The following XYLT1 variants were observed in gnomAD, a reference collection of about 807,000 sequenced individuals.
XYLT1 encodes beta-D-xylosyltransferase 1.
Under a neutral mutation model 91.3 loss-of-function variants are expected in XYLT1, and 36 were observed. That is an observed-to-expected ratio of 0.39 (90% CI 0.30 to 0.52). XYLT1 has a LOEUF of 0.52. Ranked by LOEUF, XYLT1 falls within the 20% of genes least tolerant of loss-of-function variation. XYLT1 has a pLI of 0.68. For synonymous variants in XYLT1, 588 were observed against 532.0 expected (o/e 1.11, Z -1.45); for missense variants, 1,242 against 1,284.5 (o/e 0.97, Z 0.51).
At chr16:17,120,051 G>A (rs2029992065) in intron 10 of XYLT1, among the ~76,000 whole-genome samples, 1 of 152,184 alleles carries the variant, frequency 6.6e-6, no homozygotes, top group South Asian at 2.1e-4. Flanking sequence ...TCCTGTGGGG[G>A]CTGCCATCCC....
chr16:17,327,065 T>C (rs535690291), intron 2 of XYLT1, among the ~76,000 whole-genome samples: 97 of 152,264 alleles, frequency 6.4e-4, no homozygotes, highest in Non-Finnish European at 1.3e-3. Flanking sequence ...AATAGACAAG[T>C]TCTGAGGAGC....
chr16:17,370,555 T>C (rs1441077359), intron 1 of XYLT1, among the ~76,000 whole-genome samples: 3 of 152,138 alleles, frequency 2.0e-5, no homozygotes, highest in African/African-American at 7.2e-5. Context: ...GTTCATGAAG[T>C]GGTGGGAAGC....
chr16:17,286,826 C>A (rs1054485286), intron 2 of XYLT1, among the ~76,000 whole-genome samples: 1 of 152,172 alleles, frequency 6.6e-6, no homozygotes, highest in Non-Finnish European at 1.5e-5. Flanking sequence ...CCCATGTCTT[C>A]TGCTTTAAGC....
At chr16:17,249,840 T>C (rs1157846441) in intron 3 of XYLT1, 1 of 151,900 alleles carries the variant, frequency 6.6e-6, no homozygotes, top group Non-Finnish European at 1.5e-5. Flanking sequence ...GGCTAACTTT[T>C]GTTTTGTTTT....
At chr16:17,317,571 G>C (rs533801064) in intron 2 of XYLT1, among the ~76,000 whole-genome samples, 2 of 143,784 alleles carry the variant, frequency 1.4e-5, no homozygotes, top group East Asian at 4.0e-4. Flanking sequence ...TCGAGTTTGC[G>C]GTGAGCCATA....
At chr16:17,170,077 G>A (rs2031788992) in intron 5 of XYLT1, among the ~76,000 whole-genome samples, 1 of 152,150 alleles carries the variant, frequency 6.6e-6, no homozygotes, top group Admixed American at 6.5e-5. Flanking sequence ...TGCCAAATGG[G>A]AGCATTTAAC....
intron 2 of XYLT1, among the ~76,000 whole-genome samples, chr16:17,320,166 C>G (rs1330190355): frequency 1.3e-5 from 2 of 152,180 alleles, no homozygotes; most frequent in African/African-American, 4.8e-5. Context: ...TTTCCTGTCT[C>G]TTTCTTCCCC....
At chr16:17,461,156 CAAG>C (rs1053177149) in intron 1 of XYLT1, among the ~76,000 whole-genome samples, 14 of 152,198 alleles carry the variant, frequency 9.2e-5, no homozygotes, top group East Asian at 3.9e-4. Flanking sequence ...TCATGAGCTA[CAAG>C]AAGAAGAGCT....
chr16:17,280,156 G>A (rs2034036236), intron 2 of XYLT1, among the ~76,000 whole-genome samples: 2 of 152,188 alleles, frequency 1.3e-5, no homozygotes, highest in African/African-American at 4.8e-5. Context: ...TTTGAGACCA[G>A]CCTGGACAAC....
At chr16:17,162,463 A>G (rs2031578565) in intron 5 of XYLT1, among the ~76,000 whole-genome samples, 1 of 151,848 alleles carries the variant, frequency 6.6e-6, no homozygotes, top group Non-Finnish European at 1.5e-5. Flanking sequence ...CGGGCAACCG[A>G]GACTTAGATA....
intron 1 of XYLT1, among the ~76,000 whole-genome samples, chr16:17,372,422 GAA>G (rs1290323118): frequency 2.0e-5 from 3 of 152,194 alleles, no homozygotes; most frequent in African/African-American, 7.2e-5. Flanking sequence ...CATGGTAAAA[GAA>G]AATCAGTTTA....
intron 1 of XYLT1, among the ~76,000 whole-genome samples, chr16:17,468,111 T>G (rs982631025): frequency 6.6e-6 from 1 of 152,108 alleles, no homozygotes; most frequent in African/African-American, 2.4e-5. Flanking sequence ...ATACCAGACT[T>G]TGGGAACAGC....
chr16:17,266,938 C>A (rs867581354), intron 2 of XYLT1, among the ~76,000 whole-genome samples: 2 of 152,250 alleles, frequency 1.3e-5, no homozygotes, highest in South Asian at 2.1e-4. Flanking sequence ...TGCAAATAGA[C>A]CTAACAGAGG....
Position 17,109,018 on chromosome 16 carries a change from C to G in XYLT1, c.2558-1G>C. The G allele has an allele frequency of 6.6e-7, 1 of 1,505,688 alleles. No individual in the cohort carries two copies. Among genetic ancestry groups the G allele is most frequent in the Non-Finnish European group, 8.9e-7 (1 of 1,123,628 alleles). The allele number at this position is 1,505,688 out of a possible 1,614,324, so 93.3% of individuals were successfully genotyped here. ...CCATTGTGCAGCTTCAGTGCCTCCT[C>G]TGAAAGCCAAAGGGAACAATTTCAG... is the stretch of plus-strand genomic sequence containing the variant. On this transcript the variant is annotated splice_acceptor_variant, in intron 11 of 11. Transcript: ENST00000261381. LOFTEE classifies it high-confidence loss of function.
intron 2 of XYLT1, among the ~76,000 whole-genome samples, chr16:17,319,167 A>T (rs1049018349): frequency 3.9e-5 from 6 of 152,252 alleles, no homozygotes; most frequent in African/African-American, 1.4e-4. Flanking sequence ...CGTAAAATGG[A>T]GGCAATGACT....
intron 3 of XYLT1, among the ~76,000 whole-genome samples, chr16:17,220,606 G>A (rs1411571327): frequency 6.6e-6 from 1 of 152,154 alleles, no homozygotes; most frequent in Non-Finnish European, 1.5e-5. Flanking sequence ...CCGAGTAGCT[G>A]GGATTACAGG....
At chr16:17,184,794 A>C (rs1013312442) in intron 5 of XYLT1, among the ~76,000 whole-genome samples, 1 of 152,236 alleles carries the variant, frequency 6.6e-6, no homozygotes, top group Non-Finnish European at 1.5e-5. Flanking sequence ...TCTGCTAGCC[A>C]AAGAAGGGAT....
intron 1 of XYLT1, among the ~76,000 whole-genome samples, chr16:17,368,561 A>T (rs1397589247): frequency 5.3e-4 from 36 of 68,202 alleles, no homozygotes; most frequent in Non-Finnish European, 6.3e-4. Flanking sequence ...CTGGATAGAT[A>T]GATTTTTTTT....
chr16:17,133,019 G>A (rs1462443469), intron 9 of XYLT1, among the ~76,000 whole-genome samples: 11 of 152,174 alleles, frequency 7.2e-5, no homozygotes, highest in Admixed American at 3.9e-4. Context: ...TGAGGAAACC[G>A]AAGCTCAGAG....
Sources: allele counts gnomAD v4.1 joint callset (sites outside exome capture counted in the v4.1 genomes callset), GRCh38; gene constraint gnomAD v4.1.1; transcripts MANE v1.5; gene names NCBI Gene and HGNC (gene_info 2026-07-23, HGNC 2026-07-21).